CCDC51: variants seen among roughly 807,000 people sequenced by gnomAD.
CCDC51 encodes mitochondrial potassium channel.
CCDC51 carries 25 observed loss-of-function variants against 24.8 expected under a neutral mutation model. The observed-to-expected ratio is 1.01, with a 90% CI of 0.73 to 1.41. The LOEUF (loss-of-function observed/expected upper bound fraction) is 1.41, where lower values mean the gene tolerates loss of function less well. CCDC51 is among the 40% of genes most tolerant of loss of function. The pLI, the probability that CCDC51 is intolerant of heterozygous loss-of-function variation, is 0.00. For synonymous variants in CCDC51, 190 were observed against 204.3 expected (o/e 0.93, Z 0.60); for missense variants, 466 against 519.1 (o/e 0.90, Z 0.99).
At chr3:48,445,750 A>C in the CCDC51 span, among the ~76,000 whole-genome samples, 25 of 152,186 alleles carry the variant, frequency 1.6e-4, no homozygotes, top group Non-Finnish European at 3.4e-4. Flanking sequence ...TGCTTTCACA[A>C]ATATTCCTAG....
Position 48,435,603 on chromosome 3 carries a change from A to T in CCDC51, c.-8-467T>A, listed in dbSNP as rs914732230. Among the ~76,000 whole-genome samples, 5 of 152,120 alleles carry T rather than the reference A, an allele frequency of 3.3e-5. No individual in the cohort carries two copies. The highest frequency in any genetic ancestry group is 7.4e-5 in the Non-Finnish European group (5 of 68,014). ...CTCAGGGGAATTCAGGAAGACTAAG[A>T]TCCAGGATCATTTCTGTAAAACAGC... On this transcript the variant is annotated intron_variant, in intron 1 of 3. Transcript: ENST00000395694. The surrounding 1 kb of genome is among the most constrained non-coding windows in gnomAD (Gnocchi z 4.2).
upstream of CCDC51, chr3:48,440,696 G>A (rs1313450327): frequency 2.2e-4 from 322 of 1,437,722 alleles, 1 homozygote; most frequent in South Asian, 3.8e-3. Context: ...TGAGGGCGCG[G>A]GCATGTCTTT....
chr3:48,440,991 C>G (rs1038886312), upstream of CCDC51: 2 of 315,460 alleles, frequency 6.3e-6, no homozygotes, highest in African/African-American at 4.4e-5. Flanking sequence ...GTGTTTGAAC[C>G]TTACTTGACT....
intron 2 of CCDC51, among the ~76,000 whole-genome samples, 194 bp downstream of exon 2, chr3:48,434,623 C>G (rs2039292144): frequency 6.6e-6 from 1 of 152,232 alleles, no homozygotes; most frequent in Non-Finnish European, 1.5e-5. Context: ...TACTGGTACA[C>G]AGTAACTGTT....
Position 48,437,122 on chromosome 3 carries a change from C to A in CCDC51, c.-8-1986G>T, listed in dbSNP as rs1191287099. ...CCTCCACGAGTCTACTCGGCTCACC[C>A]CGACATCTTCATCTTTGCCCAAATA... On this transcript the variant is annotated intron_variant, in intron 1 of 3. Coordinates refer to ENST00000395694, the MANE Select transcript of CCDC51 (RefSeq NM_001256964.2). The surrounding 1 kb of genome is among the most constrained non-coding windows in gnomAD (Gnocchi z 4.2). Among the ~76,000 whole-genome samples, 2 of 152,216 alleles carry A rather than the reference C, an allele frequency of 1.3e-5. No individual in the cohort carries two copies. Among genetic ancestry groups the A allele is most frequent in the African/African-American group, 2.4e-5 (1 of 41,450 alleles).
upstream of CCDC51, chr3:48,440,216 GC>G: frequency 6.6e-7 from 1 of 1,520,440 alleles, no homozygotes; most frequent in Admixed American, 2.2e-5. Flanking sequence ...AATCAGCGGG[GC>G]CGCCTCGCTG....
At chr3:48,446,643 G>A in the CCDC51 span, 3 of 524,284 alleles carry the variant, frequency 5.7e-6, no homozygotes, top group Non-Finnish European at 8.7e-6. Context: ...TCTAAACACC[G>A]GGCGGGGCCG....
In CCDC51 at chr3:48,435,416, T is replaced by A. The variant is rs1378394640; in HGVS notation, c.-8-280A>T. 6.6e-6 allele frequency among the ~76,000 whole-genome samples: 1 copy of A among 152,170 alleles called. No individual in the cohort carries two copies. The highest frequency in any genetic ancestry group is 1.5e-5 in the Non-Finnish European group (1 of 68,040). The stretch of plus-strand genomic sequence containing the variant: ...ATGCCACACAAAGCGGACCCTTCCC[T>A]GCTACCCACTTCCCTACATCCTCCA... On this transcript the variant is annotated intron_variant, in intron 1 of 3. Coordinates refer to ENST00000395694, the MANE Select transcript of CCDC51 (RefSeq NM_001256964.2). This position sits in a 1 kb window ranked among gnomAD's most constrained non-coding sequence, Gnocchi z 4.2.
intron 1 of CCDC51, among the ~76,000 whole-genome samples, chr3:48,438,840 TAA>T (rs933042635): frequency 2.6e-5 from 4 of 152,234 alleles, no homozygotes; most frequent in Admixed American, 2.6e-4. Flanking sequence ...TCTCTCAAGG[TAA>T]AAGCCTGTCT....
chr3:48,443,880 T>C (rs1226977369), upstream of CCDC51: 12 of 1,557,654 alleles, frequency 7.7e-6, no homozygotes, highest in Non-Finnish European at 1.0e-5. Flanking sequence ...TGGCAAAAAG[T>C]AAGCTGTTCC....
intron 2 of CCDC51, among the ~76,000 whole-genome samples, chr3:48,434,208 A>G (rs1227251963): frequency 6.6e-6 from 1 of 152,190 alleles, no homozygotes; most frequent in Non-Finnish European, 1.5e-5. Flanking sequence ...CCTTATAACA[A>G]TGCCATGAAA....
intron 1 of CCDC51, among the ~76,000 whole-genome samples, chr3:48,436,834 G>A (rs576251245): frequency 6.6e-6 from 1 of 152,308 alleles, no homozygotes; most frequent in East Asian, 1.9e-4. Flanking sequence ...AGAGATGACA[G>A]CTACTGTCTC....
At chr3:48,445,292 C>G (rs2039648784), upstream of CCDC51, 1 of 152,150 alleles carries the variant, frequency 6.6e-6, no homozygotes, top group African/African-American at 2.4e-5. Flanking sequence ...CGCTCTGGAA[C>G]CATTATGAGA....
At position 48,434,841 on chromosome 3, in the gene CCDC51, T is replaced by C; in HGVS notation, c.288A>G (p.Arg96=). ...YEEFVGLNEV[R]EAQGKVTEAE... ...CCTCTGTCACCTTTCCCTGGGCCTC[T>C]CGAACCTCGTTGAGTCCAACAAACT... Residue 96 remains arginine (R), a synonymous_variant, in exon 2 of 4, where the codon CGA becomes CGG. Coordinates refer to ENST00000395694, the MANE Select transcript of CCDC51 (RefSeq NM_001256964.2). The C allele has an allele frequency of 6.2e-7, 1 of 1,607,812 alleles. No individual in the cohort carries two copies. The highest frequency in any genetic ancestry group is 8.5e-7 in the Non-Finnish European group (1 of 1,175,676).
chr3:48,439,494 T>C (rs1288377596), intron 1 of CCDC51, among the ~76,000 whole-genome samples: 2 of 152,042 alleles, frequency 1.3e-5, no homozygotes, highest in African/African-American at 4.8e-5. Context: ...TTTCCGGACA[T>C]GGTGGCGGGC....
chr3:48,440,223 C>T (rs1003306412), upstream of CCDC51: 6 of 1,524,474 alleles, frequency 3.9e-6, no homozygotes, highest in Non-Finnish European at 5.3e-6. Flanking sequence ...GGGGCCGCCT[C>T]GCTGTCTACG....
intron 1 of CCDC51, chr3:48,438,235 A>C (rs983792973): frequency 1.3e-5 from 2 of 152,208 alleles, no homozygotes; most frequent in Non-Finnish European, 2.9e-5. Flanking sequence ...GGTGATGGCC[A>C]TACAACTTTG....
upstream of CCDC51, chr3:48,440,153 G>T (rs1288621215): frequency 2.2e-6 from 3 of 1,378,610 alleles, no homozygotes; most frequent in African/African-American, 1.4e-5. Context: ...GTTAGTACCC[G>T]CCCCTGGAGC....
upstream of CCDC51, among the ~76,000 whole-genome samples, chr3:48,444,562 T>C (rs994414934): frequency 2.0e-5 from 3 of 152,212 alleles, no homozygotes; most frequent in Admixed American, 6.5e-5. Context: ...CATGAGCCAC[T>C]GTGCCTGACC....
Sources: gnomAD v4.1 joint callset for allele counts (sites outside exome capture counted in the v4.1 genomes callset) on GRCh38, gnomAD v4.1.1 for gene constraint, Gnocchi (gnomAD v3.1) non-coding constraint, MANE v1.5 for transcripts, NCBI Gene and HGNC (gene_info 2026-07-23, HGNC 2026-07-21) for gene names.